Variants in ST6GALNAC3 observed in about 807,000 individuals in gnomAD.
The protein encoded by ST6GALNAC3 is alpha-N-acetylgalactosaminide alpha-2,6-sialyltransferase 3.
In ST6GALNAC3, 25 loss-of-function variants were observed where a neutral mutation model predicts 32.7. The ratio of observed to expected loss-of-function variants is 0.76; its 90% confidence interval spans 0.56 to 1.07. ST6GALNAC3 has a LOEUF of 1.07. Among genes scored for constraint, ST6GALNAC3 ranks in the 50% least tolerant of loss-of-function variants. The pLI is 0.00. For missense variants in ST6GALNAC3, 355 were observed against 382.4 expected, an observed-to-expected ratio of 0.93 and a Z score of 0.60; for synonymous variants, 129 against 133.1, an observed-to-expected ratio of 0.97 and a Z score of 0.21.
At chr1:76,213,958 C>T (rs1190008940) in intron 1 of ST6GALNAC3, among the ~76,000 whole-genome samples, 1 of 152,120 alleles carries the variant, frequency 6.6e-6, no homozygotes, top group African/African-American at 2.4e-5. Context: ...GAATGGGCCA[C>T]CTGCATCTCA....
At chr1:76,313,588 A>G in intron 1 of ST6GALNAC3, 1 of 664,580 alleles carries the variant, frequency 1.5e-6, no homozygotes, top group Non-Finnish European at 2.7e-6. Context: ...GCAATGGAAG[A>G]GTTCAAGAAA....
chr1:76,497,322 T>G (rs932884463), intron 3 of ST6GALNAC3, among the ~76,000 whole-genome samples: 1 of 152,104 alleles, frequency 6.6e-6, no homozygotes, highest in Non-Finnish European at 1.5e-5. Flanking sequence ...TGGGGAGCCT[T>G]CCCAATCTAC....
chr1:76,206,979 T>C (rs1373881958), intron 1 of ST6GALNAC3, among the ~76,000 whole-genome samples: 2 of 152,218 alleles, frequency 1.3e-5, no homozygotes, highest in Admixed American at 1.3e-4. Flanking sequence ...TATTTTATTT[T>C]TCATTCCATT....
In ST6GALNAC3 at chr1:76,150,701, G is replaced by A. The variant is rs150795918; in HGVS notation, c.18+75817G>A. Among the ~76,000 whole-genome samples the A allele has an allele frequency of 7.4e-3, 1,120 of 152,248 alleles. 34 individuals carry two copies. Among genetic ancestry groups the A allele is most frequent in the Admixed American group, 0.064 (983 of 15,280 alleles). ...TGAGTGTGCAGATTGATAAAACAGC[G>A]TACACTCCCTGCTTCGTTCCCACCT... On this transcript the variant is annotated intron_variant, in intron 1 of 4. Coordinates refer to ENST00000328299, the MANE Select transcript of ST6GALNAC3 (RefSeq NM_152996.4).
chr1:76,105,047 C>G (rs547351132), intron 1 of ST6GALNAC3, among the ~76,000 whole-genome samples: 6 of 152,302 alleles, frequency 3.9e-5, no homozygotes, highest in Non-Finnish European at 7.4e-5. Context: ...AAAGTTTTAT[C>G]TGGCATATCT....
At chr1:76,563,393 A>T (rs1193388119) in intron 3 of ST6GALNAC3, among the ~76,000 whole-genome samples, 5 of 152,218 alleles carry the variant, frequency 3.3e-5, no homozygotes, top group African/African-American at 4.8e-5. Context: ...TATCTGGAAA[A>T]TCGGGAGGTA....
At chr1:76,512,812 C>T (rs1417140451) in intron 3 of ST6GALNAC3, among the ~76,000 whole-genome samples, 1 of 152,080 alleles carries the variant, frequency 6.6e-6, no homozygotes, top group Non-Finnish European at 1.5e-5. Context: ...CAAACACACA[C>T]ACTTTTTTTC....
intron 2 of ST6GALNAC3, among the ~76,000 whole-genome samples, chr1:76,401,138 T>A (rs1653381735): frequency 6.6e-6 from 1 of 152,146 alleles, no homozygotes; most frequent in Non-Finnish European, 1.5e-5. Flanking sequence ...CCATTTTATC[T>A]CTTCTCTCCC....
chr1:76,519,473 C>A (rs1400798036), intron 3 of ST6GALNAC3, among the ~76,000 whole-genome samples: 3 of 152,058 alleles, frequency 2.0e-5, no homozygotes, highest in African/African-American at 4.8e-5. Context: ...GTCTCTTGAA[C>A]CTTTCTTTGA....
At chr1:76,157,115 A>G (rs919175663) in intron 1 of ST6GALNAC3, among the ~76,000 whole-genome samples, 1 of 145,328 alleles carries the variant, frequency 6.9e-6, no homozygotes, top group Non-Finnish European at 1.6e-5. Flanking sequence ...CTGCTGCTTT[A>G]TAAGCTCTCA....
At chr1:76,303,965 C>T (rs752944690) in intron 1 of ST6GALNAC3, among the ~76,000 whole-genome samples, 5 of 151,764 alleles carry the variant, frequency 3.3e-5, no homozygotes, top group Non-Finnish European at 7.4e-5. Flanking sequence ...CTCTCCCTCA[C>T]TTTCCCATTC....
At chr1:76,110,348 ACTT>A (rs1647835178) in intron 1 of ST6GALNAC3, among the ~76,000 whole-genome samples, 1 of 152,230 alleles carries the variant, frequency 6.6e-6, no homozygotes, top group Non-Finnish European at 1.5e-5. Context: ...GAAGACTTTG[ACTT>A]CTTTAAAAAG....
chr1:76,363,138 C>T (rs1000395999), intron 2 of ST6GALNAC3, among the ~76,000 whole-genome samples: 1 of 152,174 alleles, frequency 6.6e-6, no homozygotes, highest in African/African-American at 2.4e-5. Flanking sequence ...GCTGTGCTTC[C>T]CTTTTAAATA....
At chr1:76,494,868 G>A (rs1307625941) in intron 3 of ST6GALNAC3, among the ~76,000 whole-genome samples, 2 of 152,002 alleles carry the variant, frequency 1.3e-5, no homozygotes, top group East Asian at 3.9e-4. Context: ...ACCCCAAAGA[G>A]CCAATGGTAT....
chr1:76,211,264 A>T (rs990978651), intron 1 of ST6GALNAC3, among the ~76,000 whole-genome samples: 16 of 152,362 alleles, frequency 1.1e-4, no homozygotes, highest in Non-Finnish European at 2.4e-4. Flanking sequence ...TAGAATGGCA[A>T]TCATTAAAAA....
At chr1:76,221,549 C>T (rs1483352216) in intron 1 of ST6GALNAC3, among the ~76,000 whole-genome samples, 1 of 152,138 alleles carries the variant, frequency 6.6e-6, no homozygotes, top group African/African-American at 2.4e-5. Context: ...CCCAGTGCTC[C>T]CTGAGAATGT....
intron 1 of ST6GALNAC3, among the ~76,000 whole-genome samples, chr1:76,300,810 T>C (rs1421773523): frequency 6.6e-6 from 1 of 151,994 alleles, no homozygotes; most frequent in Non-Finnish European, 1.5e-5. Flanking sequence ...GGATGTGAAG[T>C]GTGCTTCAGT....
chr1:76,162,974 C>G (rs1414406), intron 1 of ST6GALNAC3, among the ~76,000 whole-genome samples: 1 of 152,046 alleles, frequency 6.6e-6, no homozygotes, highest in Non-Finnish European at 1.5e-5. Flanking sequence ...AGCATGCGCT[C>G]TGTTTTGAAG....
At chr1:76,434,524 T>G (rs1655994998) in intron 3 of ST6GALNAC3, among the ~76,000 whole-genome samples, 1 of 152,174 alleles carries the variant, frequency 6.6e-6, no homozygotes, top group Non-Finnish European at 1.5e-5. Context: ...TTAAAGAGCT[T>G]CTTCTACTGA....
Sources: gnomAD v4.1 joint callset for allele counts (sites outside exome capture counted in the v4.1 genomes callset) on GRCh38, gnomAD v4.1.1 for gene constraint, MANE v1.5 for transcripts, NCBI Gene and HGNC (gene_info 2026-07-23, HGNC 2026-07-21) for gene names.